The following NEDD4L variants were observed in gnomAD, a reference collection of about 807,000 sequenced individuals.
NEDD4L encodes the protein E3 ubiquitin-protein ligase NEDD4-like.
A neutral mutation model predicts 148.9 loss-of-function variants in NEDD4L; 54 were observed. The observed-to-expected ratio is 0.36, with a 90% CI of 0.29 to 0.45. NEDD4L has a LOEUF of 0.45. Among genes scored for constraint, NEDD4L ranks in the 20% least tolerant of loss-of-function variants. The pLI is 1.00. For missense variants in NEDD4L, 856 were observed against 1,233.8 expected, an observed-to-expected ratio of 0.69 and a Z score of 4.59; for synonymous variants, 433 against 440.7, an observed-to-expected ratio of 0.98 and a Z score of 0.22.
chr18:58,101,273 C>T (rs1485631372), intron 1 of NEDD4L, among the ~76,000 whole-genome samples: 2 of 152,082 alleles, frequency 1.3e-5, no homozygotes, highest in Non-Finnish European at 2.9e-5. Flanking sequence ...TAAGTGGAGT[C>T]GAACATCTCT....
chr18:58,153,545 G>A (rs1420252063), intron 1 of NEDD4L, among the ~76,000 whole-genome samples: 1 of 151,676 alleles, frequency 6.6e-6, no homozygotes, highest in Non-Finnish European at 1.5e-5. Context: ...TCACCATGTT[G>A]GCCAGGCTGG....
chr18:58,086,573 G>GT (rs1194875325), intron 1 of NEDD4L, among the ~76,000 whole-genome samples: 1 of 152,078 alleles, frequency 6.6e-6, no homozygotes, highest in Non-Finnish European at 1.5e-5. Context: ...TAGCCTTTTT[G>GT]TTGTTCTGAT....
At chr18:58,171,788 G>A (rs1050031212) in intron 2 of NEDD4L, among the ~76,000 whole-genome samples, 2 of 152,176 alleles carry the variant, frequency 1.3e-5, no homozygotes, top group Admixed American at 6.5e-5. Flanking sequence ...TCTCACAAAG[G>A]CTCTTTGTGG....
intron 1 of NEDD4L, among the ~76,000 whole-genome samples, chr18:58,114,252 A>G (rs1266772968): frequency 2.6e-5 from 4 of 152,134 alleles, no homozygotes; most frequent in Non-Finnish European, 4.4e-5. Context: ...TACGCTCAAG[A>G]TGAAGTGTTG....
chr18:58,378,721 T>G (rs2047917412), intron 24 of NEDD4L, among the ~76,000 whole-genome samples: 2 of 152,206 alleles, frequency 1.3e-5, no homozygotes, highest in Admixed American at 1.3e-4. Flanking sequence ...AGTGGGCGTT[T>G]GCCCAGCAGT....
rs2081484796 is a variant in NEDD4L, at chr18:58,044,565, G to A, written c.-96G>A. On this transcript the variant is annotated 5_prime_UTR_variant, in exon 1 of 31. Transcript: ENST00000400345. ...AGGGCGTGCGCAGGGTAGGGTGCGG[G>A]ACCGGGGGGACCTGGAGGCAGAGGG... is the stretch of plus-strand genomic sequence containing the variant. The A allele has an allele frequency of 4.3e-6, 6 of 1,407,380 alleles. No homozygotes were observed. Among genetic ancestry groups the A allele is most frequent in the Admixed American group, 3.0e-5 (1 of 33,308 alleles). 87.2% of individuals were successfully genotyped at this position (1,407,380 alleles called of 1,614,324 possible).
intron 1 of NEDD4L, among the ~76,000 whole-genome samples, chr18:58,123,848 A>G (rs7231855): frequency 0.017 from 2,617 of 151,898 alleles, 30 homozygotes; most frequent in African/African-American, 0.026. Context: ...CTCCTGTCTC[A>G]CTCAGGCCCC....
At chr18:58,365,388 C>A (rs201602311) in intron 20 of NEDD4L, among the ~76,000 whole-genome samples, 2 of 152,210 alleles carry the variant, frequency 1.3e-5, no homozygotes, top group East Asian at 3.9e-4. Context: ...TTCTTACAGC[C>A]AGACCAAGCC....
At chr18:58,235,260 G>A (rs572868194) in intron 2 of NEDD4L, among the ~76,000 whole-genome samples, 34 of 152,226 alleles carry the variant, frequency 2.2e-4, no homozygotes, top group African/African-American at 8.2e-4. Flanking sequence ...GCCCACTCTC[G>A]GTGTGGCACT....
At chr18:58,252,963 T>G (rs1288378398) in intron 5 of NEDD4L, among the ~76,000 whole-genome samples, 4 of 152,222 alleles carry the variant, frequency 2.6e-5, no homozygotes, top group Non-Finnish European at 4.4e-5. Context: ...GAACCAGGTG[T>G]TCCAACTATG....
rs73961509 is a variant in NEDD4L, at chr18:58,163,468, C to T, written c.49-2320C>T. 5.7e-3 allele frequency among the ~76,000 whole-genome samples: 861 copies of T among 152,308 alleles called. 12 individuals are homozygous for T. Among genetic ancestry groups the T allele is most frequent in the African/African-American group, 0.02 (827 of 41,554 alleles). On this transcript the variant is annotated intron_variant, in intron 1 of 30. Transcript: ENST00000400345. ...CAGGGAACAGGGAAGAGCAGCTAAC[C>T]CCTGATGCTTCTGTAAGCACTTTGG...
chr18:58,155,563 A>G (rs2035380563), intron 1 of NEDD4L, among the ~76,000 whole-genome samples: 1 of 152,186 alleles, frequency 6.6e-6, no homozygotes. Flanking sequence ...CTAAGCTGAA[A>G]AGTTAAATCT....
intron 1 of NEDD4L, among the ~76,000 whole-genome samples, chr18:58,125,688 A>G (rs955109809): frequency 1.3e-5 from 2 of 152,222 alleles, no homozygotes; most frequent in Non-Finnish European, 2.9e-5. Context: ...TATGTACGGT[A>G]ACTTTTCTAG....
Position 58,269,829 on chromosome 18 carries a change from C to T in NEDD4L, c.297+17775C>T, listed in dbSNP as rs77358093. ...AAATCTATATTGTGTTCACATGGTT[C>T]CTCTTTCTAGAGGTGGGAGATGTCC... On this transcript the variant is annotated intron_variant, in intron 5 of 30. Coordinates refer to ENST00000400345, the MANE Select transcript of NEDD4L (RefSeq NM_001144967.3). Among the ~76,000 whole-genome samples the T allele has an allele frequency of 1.5e-3, 228 of 149,722 alleles. 2 individuals carry two copies. Among genetic ancestry groups the T allele is most frequent in the African/African-American group, 5.3e-3 (218 of 41,286 alleles).
intron 15 of NEDD4L, 124 bp downstream of exon 15, chr18:58,341,921 G>GT: frequency 9.0e-7 from 1 of 1,115,394 alleles, no homozygotes. Context: ...TGTGTTGGTA[G>GT]TGAAGGGTGT....
At chr18:58,183,892 A>G (rs981006697) in intron 2 of NEDD4L, among the ~76,000 whole-genome samples, 2 of 152,226 alleles carry the variant, frequency 1.3e-5, no homozygotes, top group Non-Finnish European at 2.9e-5. Context: ...TTCTAAGGCC[A>G]GGCATGGTGG....
At chr18:58,278,441 C>G (rs1011087911) in intron 5 of NEDD4L, among the ~76,000 whole-genome samples, 6 of 152,218 alleles carry the variant, frequency 3.9e-5, no homozygotes, top group Non-Finnish European at 7.3e-5. Context: ...TTAACCACCT[C>G]CAGACGGACC....
chr18:58,149,301 C>A, intron 1 of NEDD4L: 1 of 1,109,338 alleles, frequency 9.0e-7, no homozygotes, highest in Non-Finnish European at 1.2e-6. Context: ...CATAAGACAC[C>A]TGTGATTTGA....
intron 11 of NEDD4L, among the ~76,000 whole-genome samples, 185 bp from the exon 12 acceptor site, chr18:58,333,633 G>A (rs2041324538): frequency 6.6e-6 from 1 of 152,170 alleles, no homozygotes; most frequent in African/African-American, 2.4e-5. Context: ...CTGCTTAACT[G>A]AAAATTAAAG....
Sources: allele counts gnomAD v4.1 joint callset (sites outside exome capture counted in the v4.1 genomes callset), GRCh38; gene constraint gnomAD v4.1.1; transcripts MANE v1.5; gene names NCBI Gene and HGNC (gene_info 2026-07-23, HGNC 2026-07-21).